Variants in ENPP1 observed in about 807,000 individuals in gnomAD.
The protein encoded by ENPP1 is ectonucleotide pyrophosphatase/phosphodiesterase family member 1.
A neutral mutation model predicts 122.8 loss-of-function variants in ENPP1; 73 were observed. That is an observed-to-expected ratio of 0.59 (90% CI 0.49 to 0.72). The LOEUF (loss-of-function observed/expected upper bound fraction) is 0.72. ENPP1 is among the 30% of genes least tolerant of loss of function. The pLI, the probability that ENPP1 is intolerant of heterozygous loss-of-function variation, is 0.00. For synonymous variants in ENPP1, 367 were observed against 391.6 expected (o/e 0.94, Z 0.74); for missense variants, 978 against 1,128.1 (o/e 0.87, Z 1.91).
Position 131,880,023 on chromosome 6 carries a change from G to T in ENPP1, c.2089G>T (p.Val697Leu), listed in dbSNP as rs762065573. Residue 697 changes from valine (V) to leucine (L), a missense_variant, in exon 20 of 25, where the codon GTG becomes TTG. Physicochemically the swap from Val to Leu is conservative, Grantham distance 32. This residue lies in a region of ENPP1 where 644 missense variants were observed against 781.5 expected (regional missense o/e 0.82). Coordinates refer to ENST00000647893, the MANE Select transcript of ENPP1 (RefSeq NM_006208.3). ...AATGCCCCTTTGGACATCCTATACC[G>T]TGGACAGAAATGCAAGTATTTGTCA... Reference protein sequence around the residue: ...ILMPLWTSYTVDRNDSFSTED... With the variant: ...ILMPLWTSYTLDRNDSFSTED... 2 of 1,613,830 alleles carry T rather than the reference G, an allele frequency of 1.2e-6. No individual in the cohort carries two copies. Among genetic ancestry groups the T allele is most frequent in the East Asian group, 4.5e-5 (2 of 44,880 alleles).
Position 131,808,110 on chromosome 6 carries a change from G to C in ENPP1, c.75G>C (p.Ala25=). 1 of 1,233,792 alleles carries C rather than the reference G, an allele frequency of 8.1e-7. No homozygotes were observed. The highest frequency in any genetic ancestry group is 1.0e-6 in the Non-Finnish European group (1 of 983,636). The allele number at this position is 1,233,792 out of a possible 1,614,324, so 76.4% of individuals were successfully genotyped here. A position where few individuals can be genotyped will look rare whatever the true frequency, so the allele number is the denominator to read the frequency against. ...EGGRAPREGP[A]GNGRDRGRSH... ...GGCGCGCTCCCCGGGAGGGCCCGGC[G>C]GGGAACGGCCGCGATCGGGGCCGCA... The change falls in exon 1 of 25, where the codon GCG becomes GCC. Residue 25 remains alanine (A), a synonymous_variant. Transcript: ENST00000647893.
chr6:131,888,574 A>C (rs1782419740), intron 24 of ENPP1, among the ~76,000 whole-genome samples: 1 of 152,188 alleles, frequency 6.6e-6, no homozygotes, highest in African/African-American at 2.4e-5. Flanking sequence ...ATATCGTTAA[A>C]ATTCATGAAG....
chr6:131,839,125 CGTT>C, intron 1 of ENPP1, among the ~76,000 whole-genome samples: 1 of 152,108 alleles, frequency 6.6e-6, no homozygotes, highest in South Asian at 2.1e-4. Context: ...TTTTTACTGT[CGTT>C]GTCCTGGAAT....
At chr6:131,824,314 C>T (rs986107901) in intron 1 of ENPP1, among the ~76,000 whole-genome samples, 5 of 151,964 alleles carry the variant, frequency 3.3e-5, no homozygotes, top group African/African-American at 9.7e-5. Context: ...AGGGGAAAGG[C>T]CCTGGGAGAG....
chr6:131,824,981 A>G (rs1781528284), intron 1 of ENPP1, among the ~76,000 whole-genome samples: 1 of 151,208 alleles, frequency 6.6e-6, no homozygotes, highest in South Asian at 2.1e-4. Context: ...AATTGCTTGA[A>G]CCCGGGAGGT....
chr6:131,853,116 T>C (rs934636852), intron 5 of ENPP1, among the ~76,000 whole-genome samples: 15 of 152,192 alleles, frequency 9.9e-5, no homozygotes, highest in Non-Finnish European at 1.6e-4. Context: ...TTTTAAGCTG[T>C]ATTTTAGTTC....
At chr6:131,827,935 T>G (rs949091648) in intron 1 of ENPP1, 15 of 1,026,926 alleles carry the variant, frequency 1.5e-5, no homozygotes, top group African/African-American at 1.4e-4. Context: ...CCGTGGAGAA[T>G]CGAAGCACTT....
At chr6:131,861,303 T>A (rs1782019924) in intron 8 of ENPP1, among the ~76,000 whole-genome samples, 1 of 152,218 alleles carries the variant, frequency 6.6e-6, no homozygotes, top group Non-Finnish European at 1.5e-5. Context: ...CATACACAGA[T>A]ATCTCAGCAA....
At chr6:131,820,080 G>T (rs1389455809) in intron 1 of ENPP1, 4 of 486,666 alleles carry the variant, frequency 8.2e-6, no homozygotes, top group Admixed American at 7.9e-5. Flanking sequence ...GTCCATTTGC[G>T]ATGTAAACCA....
chr6:131,875,457 TC>T (rs33998310), intron 16 of ENPP1, among the ~76,000 whole-genome samples: 7,776 of 152,200 alleles, frequency 0.051, 309 homozygotes, highest in African/African-American at 0.11. Context: ...TTTAATTTGA[TC>T]CCTGCATCAC....
intron 6 of ENPP1, among the ~76,000 whole-genome samples, chr6:131,857,363 C>T (rs1305348902): frequency 2.5e-4 from 37 of 147,962 alleles, no homozygotes; most frequent in Admixed American, 1.3e-3. Flanking sequence ...ATGTTTATTG[C>T]GGCACTATTC....
chr6:131,877,199 T>C, intron 18 of ENPP1, 38 bp downstream of exon 18: 1 of 1,587,430 alleles, frequency 6.3e-7, no homozygotes, highest in South Asian at 1.1e-5. Flanking sequence ...GTATGTATGG[T>C]TTGATAGCAC....
At chr6:131,860,539 A>G in intron 8 of ENPP1, 33 bp downstream of exon 8, 1 of 1,494,552 alleles carries the variant, frequency 6.7e-7, no homozygotes, top group Non-Finnish European at 9.3e-7. Flanking sequence ...AAAATAGTTA[A>G]TTATTCTCAT....
chr6:131,852,041 A>G (rs1781889315), intron 4 of ENPP1, 134 bp from the exon 5 acceptor site: 1 of 654,562 alleles, frequency 1.5e-6, no homozygotes, highest in Non-Finnish European at 2.8e-6. Flanking sequence ...ATACACCTCC[A>G]GAGTCATGTC....
In ENPP1 at chr6:131,877,127, C is replaced by A; in HGVS notation, c.1859C>A (p.Pro620His). Reference sequence around the variant, plus strand: ...GTACAGTGCCCCTTCACAAGAAACCCCAGAGATAACCTTGGCTGCTCATGT... The same window carrying A: ...GTACAGTGCCCCTTCACAAGAAACCACAGAGATAACCTTGGCTGCTCATGT... Reference protein sequence around the residue: ...PLVQCPFTRNPRDNLGCSCNP... With the variant: ...PLVQCPFTRNHRDNLGCSCNP... Residue 620 changes from proline (P) to histidine (H), a missense_variant, in exon 18 of 25, where the codon CCC (proline) becomes CAC (histidine). Pro to His is a moderately conservative substitution (Grantham distance 77). This residue lies in a region of ENPP1 where 644 missense variants were observed against 781.5 expected (regional missense o/e 0.82). Transcript: ENST00000647893. 1 of 1,613,918 alleles carries A rather than the reference C, an allele frequency of 6.2e-7. No homozygotes were observed. The highest frequency in any genetic ancestry group is 8.5e-7 in the Non-Finnish European group (1 of 1,179,962).
rs929648977 is a variant in ENPP1, at chr6:131,819,948, T to TA, written c.240+11673_240+11674insA. On this transcript the variant is annotated intron_variant, in intron 1 of 24. Coordinates refer to ENST00000647893, the MANE Select transcript of ENPP1 (RefSeq NM_006208.3). ...TGAGTTTCCATAGCTTCTTTTTTTT[T>TA]TTTTTCGCATCTTGCTGAAGCAGAG... 74 of 562,820 alleles carry TA rather than the reference T, an allele frequency of 1.3e-4. 1 individual carries two copies. In the African/African-American group the frequency reaches 1.4e-3, roughly 10 times the overall value. The allele number at this position is 562,820 out of a possible 1,614,324, so 34.9% of individuals were successfully genotyped here.
At chr6:131,827,672 C>T (rs1374782932) in intron 1 of ENPP1, 1 of 645,616 alleles carries the variant, frequency 1.5e-6, no homozygotes, top group African/African-American at 1.8e-5. Flanking sequence ...TCCTTCTGCT[C>T]TACGTGCATG....
Position 131,808,270 on chromosome 6 carries a change from TC to T in ENPP1, c.236del (p.Ser79CysfsTer9). The part of the protein sequence containing the change: ...AKDPNTYKVL[S>X]LVLSVCVLTT... ...GGACCCCAACACCTATAAAGTACTC[TC>T]GCTGGTAGGTCCGCGGCCAGGCCCC... On this transcript the variant is annotated frameshift_variant, in exon 1 of 25. Coordinates refer to ENST00000647893, the MANE Select transcript of ENPP1 (RefSeq NM_006208.3). LOFTEE classifies it high-confidence loss of function. 6.7e-7 allele frequency: 1 copy of T among 1,503,284 alleles called. No homozygotes were observed. Among genetic ancestry groups the T allele is most frequent in the Non-Finnish European group, 8.9e-7 (1 of 1,123,974 alleles). 93.1% of individuals were successfully genotyped at this position (1,503,284 alleles called of 1,614,324 possible).
intron 11 of ENPP1, 87 bp downstream of exon 11, chr6:131,865,025 T>C (rs2114707151): frequency 2.4e-6 from 2 of 827,034 alleles, no homozygotes; most frequent in South Asian, 1.3e-5. Context: ...GACCATTTTA[T>C]AAGATTCTAT....
Sources: allele counts gnomAD v4.1 joint callset (sites outside exome capture counted in the v4.1 genomes callset), GRCh38; gene constraint gnomAD v4.1.1; regional missense constraint gnomAD v4.1.1; transcripts MANE v1.5; gene names NCBI Gene and HGNC (gene_info 2026-07-23, HGNC 2026-07-21).